Variants in CHTOP observed in about 807,000 individuals in gnomAD.
The protein encoded by CHTOP is chromatin target of PRMT1, also known as chromatin target of PRMT1 protein.
In CHTOP, 18 loss-of-function variants were observed where a neutral mutation model predicts 33.6. That is an observed-to-expected ratio of 0.54 (90% CI 0.37 to 0.80). The LOEUF is 0.80. Ranked by LOEUF, CHTOP falls within the 30% of genes least tolerant of loss-of-function variation. The probability of loss-of-function intolerance (pLI) is 0.00; values close to 1 mark genes in which losing one functional copy is unlikely to be tolerated. For synonymous variants in CHTOP, 117 were observed against 127.7 expected (o/e 0.92, Z 0.56); for missense variants, 263 against 336.8 (o/e 0.78, Z 1.71).
At position 153,642,336 on chromosome 1, in the gene CHTOP, G is replaced by A. The variant is rs776042762; in HGVS notation, c.310G>A (p.Gly104Ser). 1 of 1,614,164 alleles carries A rather than the reference G, an allele frequency of 6.2e-7. No individual in the cohort carries two copies. The highest frequency in any genetic ancestry group is 1.7e-5 in the Admixed American group (1 of 60,024). Residue 104 changes from glycine to serine, a missense_variant, in exon 4 of 6, where the codon GGC becomes AGC. Gly to Ser is a moderately conservative substitution (Grantham distance 56). This residue lies in a region of CHTOP where 168 missense variants were observed against 179.9 expected (regional missense o/e 0.93). Coordinates refer to ENST00000368694, the MANE Select transcript of CHTOP (RefSeq NM_015607.4). ...ALARGAIGGR[G>S]LPIIQRGLPR... ...GGCCAGGGGAGCAATCGGAGGACGA[G>A]GCCTACCCATAATCCAGAGAGGCTT...
chr1:153,643,937 T>C (rs1433599618), intron 5 of CHTOP: 5 of 152,256 alleles, frequency 3.3e-5, no homozygotes, highest in South Asian at 2.1e-4. Flanking sequence ...CTGGCTCTTA[T>C]TGATAATCTT....
intron 3 of CHTOP, among the ~76,000 whole-genome samples, chr1:153,638,984 C>T (rs1668516161): frequency 6.6e-6 from 1 of 151,640 alleles, no homozygotes; most frequent in African/African-American, 2.4e-5. Flanking sequence ...GGGTCCATAC[C>T]ATTCTCCTGC....
chr1:153,639,072 A>G lies in CHTOP; in HGVS notation c.219+624A>G, dbSNP rs549264652. Among the ~76,000 whole-genome samples the G allele has an allele frequency of 1.7e-4, 26 of 152,178 alleles. No homozygotes were observed. The East Asian group carries it at 5.0e-3, about 29-fold the overall frequency. Reference sequence around the variant, plus strand: ...ATTTTTTTGTATATTTAATAGAGACAGGGTTTCACCATACTAGCCAGGATG... The same window carrying G: ...ATTTTTTTGTATATTTAATAGAGACGGGGTTTCACCATACTAGCCAGGATG... On this transcript the variant is annotated intron_variant, in intron 3 of 5. Coordinates refer to ENST00000368694, the MANE Select transcript of CHTOP (RefSeq NM_015607.4).
chr1:153,638,543 G>T, intron 3 of CHTOP, 95 bp downstream of exon 3: 1 of 1,437,798 alleles, frequency 7.0e-7, no homozygotes, highest in African/African-American at 1.4e-5. Flanking sequence ...ATTGCAAAGT[G>T]GCTCAGGGCA....
rs995669256 is a variant in CHTOP, at chr1:153,645,504, AG to A, written c.*242del. 16 of 24,922 alleles carry A rather than the reference AG, an allele frequency of 6.4e-4. 2 individuals are homozygous for A. The highest frequency in any genetic ancestry group is 8.5e-4 in the Non-Finnish European group (10 of 11,748). 1.5% of individuals were successfully genotyped at this position (24,922 alleles called of 1,614,324 possible). On this transcript the variant is annotated 3_prime_UTR_variant, in exon 6 of 6. Coordinates refer to ENST00000368694, the MANE Select transcript of CHTOP (RefSeq NM_015607.4). The stretch of plus-strand genomic sequence containing the variant: ...TTTTGTTTTTGTTTTTTTAGGGGGG[AG>A]GGGGGGTTTCCCCTCCTTTGCCCAG...
Position 153,646,041 on chromosome 1 carries a change from G to T in CHTOP, c.*772G>T, listed in dbSNP as rs1433566776. 1 of 152,204 alleles carries T rather than the reference G, an allele frequency of 6.6e-6. No individual in the cohort carries two copies. Among genetic ancestry groups the T allele is most frequent in the Non-Finnish European group, 1.5e-5 (1 of 68,052 alleles). 9.4% of individuals were successfully genotyped at this position (152,204 alleles called of 1,614,324 possible). On this transcript the variant is annotated 3_prime_UTR_variant, in exon 6 of 6. Transcript: ENST00000368694. ...GGTTGGTTTATACTGCAATATAGAG[G>T]ATCAGAAGCCATTTGATTTGGTAGG... is the stretch of plus-strand genomic sequence containing the variant.
chr1:153,644,995 A>G, intron 5 of CHTOP, 69 bp from the exon 6 acceptor site: 3 of 1,447,920 alleles, frequency 2.1e-6, no homozygotes, highest in Non-Finnish European at 1.9e-6. Context: ...TCTAAGGGGC[A>G]TTTACTACAG....
intron 1 of CHTOP, among the ~76,000 whole-genome samples, 159 bp from the exon 2 acceptor site, chr1:153,636,413 A>T (rs1220546317): frequency 6.6e-6 from 1 of 151,086 alleles, no homozygotes; most frequent in Non-Finnish European, 1.5e-5. Flanking sequence ...CTGTCTCAAA[A>T]AAAAAAAAAA....
At chr1:153,636,267 A>C (rs1407452300) in intron 1 of CHTOP, among the ~76,000 whole-genome samples, 1 of 151,834 alleles carries the variant, frequency 6.6e-6, no homozygotes, top group African/African-American at 2.4e-5. Flanking sequence ...ATTGCCATAG[A>C]AACTTAAGAA....
At position 153,646,180 on chromosome 1, in the gene CHTOP, A is replaced by G. The variant is rs997295369; in HGVS notation, c.*911A>G. The G allele has an allele frequency of 8.5e-5, 13 of 152,120 alleles. No homozygotes were observed. The highest frequency in any genetic ancestry group is 2.9e-4 in the African/African-American group (12 of 41,420). 9.4% of individuals were successfully genotyped at this position (152,120 alleles called of 1,614,324 possible). On this transcript the variant is annotated 3_prime_UTR_variant, in exon 6 of 6. Coordinates refer to ENST00000368694, the MANE Select transcript of CHTOP (RefSeq NM_015607.4). ...TCCCAAACTAATCTTGGACTTTTCC[A>G]CTCATTAGCTTTGTTTTGCCCTTGT...
Position 153,636,761 on chromosome 1 carries a change from C to CT in CHTOP, c.65+109dup. On this transcript the variant is annotated intron_variant, in intron 2 of 5. Transcript: ENST00000368694. ...TTTTAAGCTAAATACCAACAGAAGGCTACAGACCTCTGTTCTTAGTTGCAT... is the reference window on the plus strand; with the variant it reads ...TTTTAAGCTAAATACCAACAGAAGGCTTACAGACCTCTGTTCTTAGTTGCAT... 3 of 890,954 alleles carry CT rather than the reference C, an allele frequency of 3.4e-6. No homozygotes were observed. The South Asian group carries it at 4.5e-5, about 13-fold the overall frequency. 55.2% of individuals were successfully genotyped at this position (890,954 alleles called of 1,614,324 possible).
rs745930389 is a variant in CHTOP at position 153,638,278 on chromosome 1, T to C, written c.66-17T>C. ...ATAAAGCTTTTATTTAAACATCCATTTTGTTCGACCTTGAAGCTTTACTAA... is the reference window on the plus strand; with the variant it reads ...ATAAAGCTTTTATTTAAACATCCATCTTGTTCGACCTTGAAGCTTTACTAA... On this transcript the variant is annotated splice_polypyrimidine_tract_variant and intron_variant, in intron 2 of 5. Coordinates refer to ENST00000368694, the MANE Select transcript of CHTOP (RefSeq NM_015607.4). The C allele has an allele frequency of 6.2e-7, 1 of 1,610,936 alleles. No homozygotes were observed. The highest frequency in any genetic ancestry group is 8.5e-7 in the Non-Finnish European group (1 of 1,177,542).
chr1:153,642,515 C>A, intron 4 of CHTOP, 86 bp downstream of exon 4: 1 of 1,095,542 alleles, frequency 9.1e-7, no homozygotes, highest in Non-Finnish European at 1.3e-6. Context: ...TGTTTAACAT[C>A]TTTAAGCCTG....
chr1:153,645,296 T>C lies in CHTOP; in HGVS notation c.*27T>C. The stretch of plus-strand genomic sequence containing the variant: ...GCCTGCCCATCCTCCCATGAGAGAC[T>C]CTTGTTAGTCAACACATCTGTAAAT... On this transcript the variant is annotated 3_prime_UTR_variant, in exon 6 of 6. Coordinates refer to ENST00000368694, the MANE Select transcript of CHTOP (RefSeq NM_015607.4). 2 of 1,607,198 alleles carry C rather than the reference T, an allele frequency of 1.2e-6. No homozygotes were observed. The highest frequency in any genetic ancestry group is 2.2e-5 in the East Asian group (1 of 44,836).
In CHTOP at chr1:153,645,350, C is replaced by A. The variant is rs551331086; in HGVS notation, c.*81C>A. ...CTTGAGATAACAGATGAGAAGAAAT[C>A]TGATTGATGCTGGATGGACCTATCA... On this transcript the variant is annotated 3_prime_UTR_variant, in exon 6 of 6. Transcript: ENST00000368694. The A allele has an allele frequency of 2.7e-5, 36 of 1,344,848 alleles. No homozygotes were observed. The South Asian group carries it at 4.4e-4, about 16-fold the overall frequency. 83.3% of individuals were successfully genotyped at this position (1,344,848 alleles called of 1,614,324 possible). A position where few individuals can be genotyped will look rare whatever the true frequency, so the allele number is the denominator to read the frequency against.
At chr1:153,643,641 C>T (rs1668704869) in intron 5 of CHTOP, 1 of 274,734 alleles carries the variant, frequency 3.6e-6, no homozygotes, top group Non-Finnish European at 6.8e-6. Context: ...AAAATACCCC[C>T]CAAAATGGTC....
chr1:153,637,021 T>C (rs139080621), intron 2 of CHTOP: 214 of 180,340 alleles, frequency 1.2e-3, no homozygotes, highest in Non-Finnish European at 1.7e-3. Context: ...GTGTCTGGCC[T>C]GTAAGAGGCA....
At chr1:153,638,513 C>A in intron 3 of CHTOP, 65 bp downstream of exon 3, 1 of 1,578,684 alleles carries the variant, frequency 6.3e-7, no homozygotes, top group Non-Finnish European at 8.7e-7. Context: ...TCCACTGAGG[C>A]TGTCAGGACG....
rs41305080 is a variant in CHTOP, at chr1:153,645,511, G to C, written c.*242G>C. 2 of 308,702 alleles carry C rather than the reference G, an allele frequency of 6.5e-6. No individual in the cohort carries two copies. Among genetic ancestry groups the C allele is most frequent in the South Asian group, 3.3e-5 (1 of 30,430 alleles). 19.1% of individuals were successfully genotyped at this position (308,702 alleles called of 1,614,324 possible). A position where few individuals can be genotyped will look rare whatever the true frequency, so the allele number is the denominator to read the frequency against. On this transcript the variant is annotated 3_prime_UTR_variant, in exon 6 of 6. Transcript: ENST00000368694. ...TTTGTTTTTTTAGGGGGGAGGGGGG[G>C]TTTCCCCTCCTTTGCCCAGACTTCT...
Sources: allele counts gnomAD v4.1 joint callset (sites outside exome capture counted in the v4.1 genomes callset), GRCh38; gene constraint gnomAD v4.1.1; regional missense constraint gnomAD v4.1.1; transcripts MANE v1.5; gene names NCBI Gene and HGNC (gene_info 2026-07-23, HGNC 2026-07-21).